Variants in HOMER1 observed in about 807,000 individuals in gnomAD.
The protein encoded by HOMER1 is homer scaffold protein 1.
Under a neutral mutation model 48.9 loss-of-function variants are expected in HOMER1, and 3 were observed. The observed-to-expected ratio is 0.06, with a 90% CI of 0.03 to 0.16. The LOEUF (loss-of-function observed/expected upper bound fraction) is 0.16, where lower values mean the gene tolerates loss of function less well. Among genes scored for constraint, HOMER1 ranks in the 10% least tolerant of loss-of-function variants. The probability of loss-of-function intolerance (pLI) is 1.00; values close to 1 mark genes in which losing one functional copy is unlikely to be tolerated. For missense variants in HOMER1, 247 were observed against 411.4 expected (o/e 0.60, Z 3.46); for synonymous variants, 134 against 146.4 (o/e 0.92, Z 0.61).
At chr5:79,466,224 T>A (rs376722068) in intron 1 of HOMER1, among the ~76,000 whole-genome samples, 6 of 152,120 alleles carry the variant, frequency 3.9e-5, no homozygotes, top group African/African-American at 1.4e-4. Context: ...CATTTAAAAT[T>A]ACATTTTTAG....
At chr5:79,499,666 A>G (rs913984740) in intron 1 of HOMER1, among the ~76,000 whole-genome samples, 16 of 152,242 alleles carry the variant, frequency 1.1e-4, no homozygotes, top group Middle Eastern at 3.2e-3. Flanking sequence ...ATTAAAATTT[A>G]TCAAAACATA....
intron 1 of HOMER1, among the ~76,000 whole-genome samples, chr5:79,486,582 C>T (rs1401126792): frequency 6.6e-6 from 1 of 152,106 alleles, no homozygotes; most frequent in East Asian, 1.9e-4. Context: ...TTGGTAAATA[C>T]TATTAGAACA....
chr5:79,396,963 G>T (rs1220936043), intron 7 of HOMER1, 60 bp from the exon 8 acceptor site: 8 of 874,750 alleles, frequency 9.1e-6, no homozygotes, highest in Non-Finnish European at 1.3e-5. Flanking sequence ...GGAAGGTCTT[G>T]TTTTTCCCTG....
At chr5:79,398,502 T>A (rs1332353002) in intron 6 of HOMER1, among the ~76,000 whole-genome samples, 2 of 152,184 alleles carry the variant, frequency 1.3e-5, no homozygotes, top group African/African-American at 4.8e-5. Context: ...CTCTCTTATA[T>A]AATTTTCTTC....
intron 1 of HOMER1, among the ~76,000 whole-genome samples, chr5:79,471,169 AT>A (rs1751603790): frequency 1.3e-5 from 2 of 152,192 alleles, no homozygotes; most frequent in Admixed American, 6.5e-5. Context: ...TTTTAAAATA[AT>A]AAAACATAAG....
intron 1 of HOMER1, among the ~76,000 whole-genome samples, chr5:79,506,097 T>C (rs1352277015): frequency 6.7e-6 from 1 of 149,038 alleles, no homozygotes; most frequent in Non-Finnish European, 1.5e-5. Context: ...AACAAATTTT[T>C]AAAAACTTTT....
chr5:79,387,148 C>G (rs1371191492), intron 8 of HOMER1, among the ~76,000 whole-genome samples: 1 of 149,880 alleles, frequency 6.7e-6, no homozygotes, highest in Non-Finnish European at 1.5e-5. Context: ...ACGTTTCTTT[C>G]TTTCACAAGG....
chr5:79,384,189 AT>A (rs1749051482), intron 8 of HOMER1, among the ~76,000 whole-genome samples: 2 of 151,964 alleles, frequency 1.3e-5, no homozygotes, highest in East Asian at 3.8e-4. Flanking sequence ...AGACCAAAAA[AT>A]AAAACAAAAA....
rs1748673989 is a variant in HOMER1 at position 79,372,991 on chromosome 5, G to A, written c.*3018C>T. 1 of 152,078 alleles carries A rather than the reference G, an allele frequency of 6.6e-6. No homozygotes were observed. Among genetic ancestry groups the A allele is most frequent in the Admixed American group, 6.6e-5 (1 of 15,262 alleles). 9.4% of individuals were successfully genotyped at this position (152,078 alleles called of 1,614,324 possible). On this transcript the variant is annotated 3_prime_UTR_variant, in exon 9 of 9. Transcript: ENST00000334082. ...GATGGTGCTGGAGATCTTCTATAGA[G>A]ACAAGGAGAGATGCAACTTCGTGAG...
intron 1 of HOMER1, among the ~76,000 whole-genome samples, chr5:79,491,075 CAAAAAAAAAAAAAAAAAAAAAA>C (rs10527802): frequency 3.5e-4 from 13 of 37,252 alleles, no homozygotes; most frequent in Admixed American, 7.5e-4. Context: ...AGTACCAAAG[CAAAAAAAAAAAAAAAAAAAAAA>C]AAAAAAAAAA....
At chr5:79,459,645 T>C (rs143062895) in intron 1 of HOMER1, among the ~76,000 whole-genome samples, 44 of 152,348 alleles carry the variant, frequency 2.9e-4, no homozygotes, top group African/African-American at 9.1e-4. Flanking sequence ...CAAACTTTTA[T>C]TGAATATCTA....
chr5:79,409,517 A>G (rs947386974), intron 5 of HOMER1, among the ~76,000 whole-genome samples: 5 of 152,296 alleles, frequency 3.3e-5, no homozygotes, highest in Admixed American at 6.5e-5. Flanking sequence ...AGGCAACAAA[A>G]GAAAAAACAG....
intron 8 of HOMER1, among the ~76,000 whole-genome samples, chr5:79,380,039 C>G (rs1373962491): frequency 6.6e-5 from 10 of 152,120 alleles, no homozygotes; most frequent in Admixed American, 5.9e-4. Flanking sequence ...ACAGAGGACA[C>G]TGGAATTAAA....
Position 79,415,840 on chromosome 5 carries a change from C to CTGATG in HOMER1, c.528-13790_528-13786dup, listed in dbSNP as rs150075747. 8.4e-3 allele frequency among the ~76,000 whole-genome samples: 1,276 copies of CTGATG among 152,292 alleles called. 19 individuals carry two copies. Among genetic ancestry groups the CTGATG allele is most frequent in the African/African-American group, 0.028 (1,144 of 41,560 alleles). On this transcript the variant is annotated intron_variant, in intron 5 of 8. Transcript: ENST00000334082. The stretch of plus-strand genomic sequence containing the variant: ...GCTGGTTAAAAGTTCAGGCTCGAAT[C>CTGATG]TGATGACTTGCTTCAAACTATGGCT...
intron 5 of HOMER1, among the ~76,000 whole-genome samples, chr5:79,435,330 A>G (rs1039293159): frequency 6.6e-5 from 10 of 152,208 alleles, no homozygotes; most frequent in African/African-American, 2.4e-4. Context: ...ATGGCTTGCT[A>G]AGTAGCTATT....
intron 1 of HOMER1, among the ~76,000 whole-genome samples, chr5:79,488,433 A>AT (rs950457892): frequency 5.3e-5 from 8 of 152,230 alleles, no homozygotes; most frequent in Admixed American, 4.6e-4. Context: ...GTGAGAATAC[A>AT]TTTTTAATGA....
At chr5:79,437,970 C>T (rs1028779133) in intron 5 of HOMER1, among the ~76,000 whole-genome samples, 3 of 152,126 alleles carry the variant, frequency 2.0e-5, no homozygotes, top group Non-Finnish European at 4.4e-5. Context: ...CCTTAAAAAA[C>T]CTTAACTAAT....
At chr5:79,503,156 C>T (rs1315770390) in intron 1 of HOMER1, among the ~76,000 whole-genome samples, 4 of 152,122 alleles carry the variant, frequency 2.6e-5, no homozygotes, top group African/African-American at 7.2e-5. Flanking sequence ...TTATTGATAA[C>T]GTAGTCAATT....
intron 6 of HOMER1, among the ~76,000 whole-genome samples, chr5:79,401,438 C>A (rs932037669): frequency 1.3e-5 from 2 of 152,144 alleles, no homozygotes; most frequent in Non-Finnish European, 2.9e-5. Context: ...AATTCGCACT[C>A]TGGAATACTC....
Sources: allele counts gnomAD v4.1 joint callset (sites outside exome capture counted in the v4.1 genomes callset), GRCh38; gene constraint gnomAD v4.1.1; transcripts MANE v1.5; gene names NCBI Gene and HGNC (gene_info 2026-07-23, HGNC 2026-07-21).